CADPS: variants seen among roughly 807,000 people sequenced by gnomAD.
CADPS encodes the protein calcium-dependent secretion activator 1.
A neutral mutation model predicts 167.3 loss-of-function variants in CADPS; 57 were observed. The observed-to-expected ratio is 0.34, with a 90% CI of 0.28 to 0.42. CADPS has a LOEUF of 0.42. Among genes scored for constraint, CADPS ranks in the 20% least tolerant of loss-of-function variants. The pLI, the probability that CADPS is intolerant of heterozygous loss-of-function variation, is 1.00. For synonymous variants in CADPS, 676 were observed against 635.3 expected, an observed-to-expected ratio of 1.06 and a Z score of -0.96; for missense variants, 1,414 against 1,738.1, an observed-to-expected ratio of 0.81 and a Z score of 3.32.
chr3:62,451,314 T>A (rs959953058), intron 26 of CADPS, among the ~76,000 whole-genome samples: 1 of 152,148 alleles, frequency 6.6e-6, no homozygotes, highest in Non-Finnish European at 1.5e-5. Flanking sequence ...GATTTTCTTC[T>A]GCCTGGCCCT....
intron 3 of CADPS, among the ~76,000 whole-genome samples, chr3:62,696,286 T>C (rs1293303571): frequency 1.3e-5 from 2 of 152,132 alleles, no homozygotes; most frequent in Admixed American, 1.3e-4. Flanking sequence ...AACAGGTACT[T>C]GCTCCTTCCT....
chr3:62,860,381 G>T (rs1386652931), intron 1 of CADPS, among the ~76,000 whole-genome samples: 1 of 152,114 alleles, frequency 6.6e-6, no homozygotes. Flanking sequence ...ATGACAAATG[G>T]AAAATACCAT....
At chr3:62,518,783 T>A (rs950694291) in intron 13 of CADPS, among the ~76,000 whole-genome samples, 1 of 152,112 alleles carries the variant, frequency 6.6e-6, no homozygotes, top group Non-Finnish European at 1.5e-5. Context: ...AAAATTCCTA[T>A]GAAAATCAGG....
chr3:62,630,895 A>G (rs969323387), intron 6 of CADPS, among the ~76,000 whole-genome samples: 6 of 152,170 alleles, frequency 3.9e-5, no homozygotes, highest in Non-Finnish European at 7.3e-5. Flanking sequence ...AAGGTTTAGA[A>G]TTAAGTCCTA....
At chr3:62,592,071 G>A (rs994293570) in intron 7 of CADPS, among the ~76,000 whole-genome samples, 4 of 152,040 alleles carry the variant, frequency 2.6e-5, no homozygotes, top group East Asian at 3.9e-4. Flanking sequence ...TCAGTAAATC[G>A]GTTTACTGAT....
At chr3:62,710,402 T>TA (rs139289931) in intron 3 of CADPS, among the ~76,000 whole-genome samples, 12,474 of 149,714 alleles carry the variant, frequency 0.083, 600 homozygotes, top group South Asian at 0.16. Context: ...GAGATATAAT[T>TA]AAAAAAAAAA....
chr3:62,820,037 AC>A (rs1284422005), intron 1 of CADPS, among the ~76,000 whole-genome samples: 1 of 152,118 alleles, frequency 6.6e-6, no homozygotes, highest in Non-Finnish European at 1.5e-5. Context: ...GTGCACACAC[AC>A]ACACACATGC....
At chr3:62,717,856 T>G (rs1444579334) in intron 3 of CADPS, among the ~76,000 whole-genome samples, 1 of 152,190 alleles carries the variant, frequency 6.6e-6, no homozygotes. Flanking sequence ...TAGATCCTAC[T>G]CACCTTTCTG....
chr3:62,435,688 C>T (rs918881252), intron 28 of CADPS, among the ~76,000 whole-genome samples: 1 of 151,580 alleles, frequency 6.6e-6, no homozygotes, highest in Non-Finnish European at 1.5e-5. Context: ...TCCACGGGGC[C>T]GGGAGTGATG....
chr3:62,599,731 T>TATATAATATATATA lies in CADPS; in HGVS notation c.1326-6997_1326-6984dup, dbSNP rs2059517831. ...TATATAATATATAATATATATAGTA[T>TATATAATATATATA]ATATAATATATATAATCTATTATAT... On this transcript the variant is annotated intron_variant, in intron 6 of 29. Coordinates refer to ENST00000383710, the MANE Select transcript of CADPS (RefSeq NM_003716.4). Among the ~76,000 whole-genome samples the TATATAATATATATA allele has an allele frequency of 4.6e-5, 2 of 43,706 alleles. 1 individual carries two copies. Among genetic ancestry groups the TATATAATATATATA allele is most frequent in the East Asian group, 1.3e-3 (2 of 1,564 alleles). 28.7% of individuals were successfully genotyped at this position (43,706 alleles called of 152,430 possible). A position where few individuals can be genotyped will look rare whatever the true frequency, so the allele number is the denominator to read the frequency against.
intron 3 of CADPS, among the ~76,000 whole-genome samples, chr3:62,704,834 T>G (rs1049745134): frequency 5.3e-5 from 8 of 152,110 alleles, no homozygotes; most frequent in Non-Finnish European, 1.2e-4. Context: ...TGTAGACTAT[T>G]TTCTGACAAC....
intron 3 of CADPS, among the ~76,000 whole-genome samples, chr3:62,733,676 C>CA (rs2078388657): frequency 6.6e-6 from 1 of 151,100 alleles, no homozygotes; most frequent in African/African-American, 2.4e-5. Flanking sequence ...ACATATGAGG[C>CA]AAAATTTTTT....
intron 1 of CADPS, among the ~76,000 whole-genome samples, chr3:62,818,850 A>G (rs2094753140): frequency 6.6e-6 from 1 of 152,238 alleles, no homozygotes; most frequent in South Asian, 2.1e-4. Flanking sequence ...CAGCAGTTAA[A>G]ACGGACAATC....
At chr3:62,607,041 G>A (rs1224246511) in intron 6 of CADPS, among the ~76,000 whole-genome samples, 1 of 152,210 alleles carries the variant, frequency 6.6e-6, no homozygotes, top group Non-Finnish European at 1.5e-5. Flanking sequence ...CAGCAACAGT[G>A]AACTGATACA....
chr3:62,727,330 A>G (rs2076930016), intron 3 of CADPS, among the ~76,000 whole-genome samples: 2 of 151,986 alleles, frequency 1.3e-5, no homozygotes, highest in Admixed American at 1.3e-4. Context: ...GTCAATCAAG[A>G]GAAGGCAGAC....
At chr3:62,536,417 A>C in intron 12 of CADPS, 28 bp downstream of exon 12, 4 of 1,589,510 alleles carry the variant, frequency 2.5e-6, no homozygotes, top group Non-Finnish European at 3.4e-6. Context: ...TTATGTTTAA[A>C]TTGCTGTAGA....
chr3:62,429,207 A>C (rs2053429564), intron 28 of CADPS, among the ~76,000 whole-genome samples: 1 of 152,174 alleles, frequency 6.6e-6, no homozygotes, highest in Non-Finnish European at 1.5e-5. Flanking sequence ...ATAAGTTTGA[A>C]GTAATTGATC....
chr3:62,574,531 A>G (rs1314912679), intron 8 of CADPS, among the ~76,000 whole-genome samples: 1 of 152,200 alleles, frequency 6.6e-6, no homozygotes, highest in Non-Finnish European at 1.5e-5. Flanking sequence ...CAGCACAAAC[A>G]GCTCTGGGGT....
At chr3:62,474,151 G>GTGTTTTTTTTTTTTTT (rs770935132) in intron 24 of CADPS, 22 bp downstream of exon 24, 1 of 497,322 alleles carries the variant, frequency 2.0e-6, no homozygotes, top group Non-Finnish European at 2.7e-6. Context: ...AAAAAAATCT[G>GTGTTTTTTTTTTTTTT]TATTTTTTTT....
Sources: gnomAD v4.1 joint callset for allele counts (sites outside exome capture counted in the v4.1 genomes callset) on GRCh38, gnomAD v4.1.1 for gene constraint, MANE v1.5 for transcripts, NCBI Gene and HGNC (gene_info 2026-07-23, HGNC 2026-07-21) for gene names.